Variants in DERA observed in about 807,000 individuals in gnomAD.
DERA encodes 2-deoxy-D-ribose 5-phosphate aldolase.
A neutral mutation model predicts 41.1 loss-of-function variants in DERA; 15 were observed. The observed-to-expected ratio is 0.37, with a 90% CI of 0.24 to 0.56. DERA has a LOEUF of 0.56. Ranked by LOEUF, DERA falls within the 20% of genes least tolerant of loss-of-function variation. The probability of loss-of-function intolerance (pLI) is 0.81; values close to 1 mark genes in which losing one functional copy is unlikely to be tolerated. For synonymous variants in DERA, 139 were observed against 137.4 expected (o/e 1.01, Z -0.08); for missense variants, 396 against 403.4 (o/e 0.98, Z 0.16).
In DERA at chr12:16,036,219, C is replaced by T; in HGVS notation, c.751-13C>T. 1.9e-6 allele frequency: 3 copies of T among 1,587,692 alleles called. No individual in the cohort carries two copies. The highest frequency in any genetic ancestry group is 2.6e-6 in the Non-Finnish European group (3 of 1,168,930). On this transcript the variant is annotated splice_polypyrimidine_tract_variant and intron_variant, in intron 7 of 8. Transcript: ENST00000428559. This position sits in a 1 kb window ranked among gnomAD's most constrained non-coding sequence, Gnocchi z 4.9. ...ACAATAAAGATTGTTCTATTCTCTG[C>T]CTTCCCATTTAGATAGGGTTTAAAC...
chr12:15,924,458 G>A lies in DERA; in HGVS notation c.31+13044G>A, dbSNP rs1221364251. ...GAACTCAGTAAATATATTTTTCACT[G>A]TAGAGATTACAAATACAATATTCTA... On this transcript the variant is annotated intron_variant, in intron 1 of 8. Coordinates refer to ENST00000428559, the MANE Select transcript of DERA (RefSeq NM_015954.4). The surrounding 1 kb of genome is among the most constrained non-coding windows in gnomAD (Gnocchi z 5.0). Among the ~76,000 whole-genome samples the A allele has an allele frequency of 6.6e-6, 1 of 152,156 alleles. No individual in the cohort carries two copies. The highest frequency in any genetic ancestry group is 1.5e-5 in the Non-Finnish European group (1 of 68,030).
Position 15,996,647 on chromosome 12 carries a change from A to G in DERA, c.637+14211A>G, listed in dbSNP as rs1349773904. 6.6e-6 allele frequency among the ~76,000 whole-genome samples: 1 copy of G among 152,126 alleles called. No individual in the cohort carries two copies. The highest frequency in any genetic ancestry group is 1.5e-5 in the Non-Finnish European group (1 of 68,000). ...TCTTTCCAAATAAGGTCTCTTCCTG[A>G]GGTATTGAGGGGTGAGATTTTGACA... On this transcript the variant is annotated intron_variant, in intron 6 of 8. Transcript: ENST00000428559. The surrounding 1 kb of genome is among the most constrained non-coding windows in gnomAD (Gnocchi z 4.7).
chr12:15,923,293 A>G (rs1267378198), intron 1 of DERA, among the ~76,000 whole-genome samples: 3 of 151,992 alleles, frequency 2.0e-5, no homozygotes, highest in Non-Finnish European at 4.4e-5. Flanking sequence ...AAGTGCTGGG[A>G]TTACAGGCGT....
intron 6 of DERA, among the ~76,000 whole-genome samples, chr12:16,030,165 C>A (rs1263064287): frequency 6.6e-6 from 1 of 151,050 alleles, no homozygotes; most frequent in East Asian, 2.0e-4. Flanking sequence ...AACTTCTGAC[C>A]TTGTGATCTG....
Position 15,992,472 on chromosome 12 carries a change from C to T in DERA, c.637+10036C>T, listed in dbSNP as rs1948808744. Reference sequence around the variant, plus strand: ...AGATGGATCTGGAGGCAAGGAAGAACCAGGGAGAACTTTTTGCTTTGGTTT... The same window carrying T: ...AGATGGATCTGGAGGCAAGGAAGAATCAGGGAGAACTTTTTGCTTTGGTTT... On this transcript the variant is annotated intron_variant, in intron 6 of 8. Coordinates refer to ENST00000428559, the MANE Select transcript of DERA (RefSeq NM_015954.4). This position sits in a 1 kb window ranked among gnomAD's most constrained non-coding sequence, Gnocchi z 4.3. 6.6e-6 allele frequency among the ~76,000 whole-genome samples: 1 copy of T among 151,910 alleles called. No homozygotes were observed. Among genetic ancestry groups the T allele is most frequent in the South Asian group, 2.1e-4 (1 of 4,818 alleles).
intron 5 of DERA, among the ~76,000 whole-genome samples, chr12:15,973,309 A>T (rs979693691): frequency 2.6e-5 from 4 of 151,082 alleles, no homozygotes; most frequent in African/African-American, 9.7e-5. Flanking sequence ...TAGGTTTTTA[A>T]TGTGACATCA....
intron 1 of DERA, among the ~76,000 whole-genome samples, chr12:15,955,842 A>G (rs910429719): frequency 3.3e-5 from 5 of 152,250 alleles, no homozygotes; most frequent in Non-Finnish European, 5.9e-5. Context: ...TCATTGCATT[A>G]TAAAGAGTTT....
intron 6 of DERA, among the ~76,000 whole-genome samples, chr12:16,027,604 C>T (rs1357901169): frequency 6.6e-6 from 1 of 152,062 alleles, no homozygotes; most frequent in African/African-American, 2.4e-5. Flanking sequence ...TGCTGAAAGC[C>T]ATTAGAAGAG....
At chr12:15,923,249 C>G (rs1230155560) in intron 1 of DERA, among the ~76,000 whole-genome samples, 1 of 151,748 alleles carries the variant, frequency 6.6e-6, no homozygotes, top group Non-Finnish European at 1.5e-5. Context: ...GTCTCGATCT[C>G]CTGACCTCGT....
chr12:16,025,241 C>A (rs769093855), intron 6 of DERA, among the ~76,000 whole-genome samples: 68 of 152,002 alleles, frequency 4.5e-4, no homozygotes, highest in Non-Finnish European at 1.0e-4. Flanking sequence ...TGTTAGTAGT[C>A]TAAATATGCC....
rs1004000355 is a variant in DERA at position 15,972,675 on chromosome 12, G to T, written c.509-9633G>T. The T allele has an allele frequency of 1.8e-5, 3 of 165,056 alleles. No individual in the cohort carries two copies. Among genetic ancestry groups the T allele is most frequent in the East Asian group, 1.6e-4 (1 of 6,334 alleles). 10.2% of individuals were successfully genotyped at this position (165,056 alleles called of 1,614,324 possible). On this transcript the variant is annotated intron_variant, in intron 5 of 8. Coordinates refer to ENST00000428559, the MANE Select transcript of DERA (RefSeq NM_015954.4). The surrounding 1 kb of genome is among the most constrained non-coding windows in gnomAD (Gnocchi z 4.4). ...CCAGAGAGGGAACGATGTATGTGAT[G>T]TGAAGCCAAGGTGTGGGGAGTGTGG...
In DERA at chr12:16,011,602, A is replaced by C. The variant is rs1256392306; in HGVS notation, c.638-20940A>C. Reference sequence around the variant, plus strand: ...TAAAAGAAAAGAGAATGTGTTAGATACGATTTTGTCATTTTAACATGAGAT... The same window carrying C: ...TAAAAGAAAAGAGAATGTGTTAGATCCGATTTTGTCATTTTAACATGAGAT... On this transcript the variant is annotated intron_variant, in intron 6 of 8. Coordinates refer to ENST00000428559, the MANE Select transcript of DERA (RefSeq NM_015954.4). This position sits in a 1 kb window ranked among gnomAD's most constrained non-coding sequence, Gnocchi z 4.7. Among the ~76,000 whole-genome samples the C allele has an allele frequency of 6.6e-6, 1 of 152,206 alleles. No individual in the cohort carries two copies.
At chr12:16,029,153 G>A (rs561956377) in intron 6 of DERA, among the ~76,000 whole-genome samples, 1 of 152,272 alleles carries the variant, frequency 6.6e-6, no homozygotes, top group African/African-American at 2.4e-5. Context: ...TAAACAAACT[G>A]GCCGGGCGCG....
At chr12:15,946,853 G>A (rs1412213993) in intron 1 of DERA, among the ~76,000 whole-genome samples, 1 of 152,106 alleles carries the variant, frequency 6.6e-6, no homozygotes, top group Admixed American at 6.6e-5. Flanking sequence ...GCTTTTTCCT[G>A]TGGGCATTTA....
chr12:15,927,378 A>G (rs1412402160), intron 1 of DERA, among the ~76,000 whole-genome samples: 2 of 152,226 alleles, frequency 1.3e-5, no homozygotes, highest in Admixed American at 6.5e-5. Flanking sequence ...ATAATCAGAG[A>G]CAAGTGTTCA....
chr12:16,033,833 C>A (rs185304348), intron 7 of DERA, among the ~76,000 whole-genome samples: 1 of 151,962 alleles, frequency 6.6e-6, no homozygotes, highest in African/African-American at 2.4e-5. Flanking sequence ...AGAATTTTCT[C>A]ACTTAAAATA....
rs1165076592 is a variant in DERA, at chr12:16,000,840, A to G, written c.637+18404A>G. Among the ~76,000 whole-genome samples, 1 of 150,696 alleles carries G rather than the reference A, an allele frequency of 6.6e-6. No individual in the cohort carries two copies. Among genetic ancestry groups the G allele is most frequent in the Non-Finnish European group, 1.5e-5 (1 of 67,570 alleles). ...TGTAATGATACCTATAGTTGCATCCATCAGATGTTGAGTTTTTTTTTACTA... is the reference window on the plus strand; with the variant it reads ...TGTAATGATACCTATAGTTGCATCCGTCAGATGTTGAGTTTTTTTTTACTA... On this transcript the variant is annotated intron_variant, in intron 6 of 8. Transcript: ENST00000428559. This position sits in a 1 kb window ranked among gnomAD's most constrained non-coding sequence, Gnocchi z 4.8.
At position 15,957,062 on chromosome 12, in the gene DERA, C is replaced by CTGTATTT; in HGVS notation, c.129+31_129+37dup. ...AGGGTTCTTCTTGAGCATTCTGTGCCTGTATTTTACAATGCATGGTCTCTT... is the reference window on the plus strand; with the variant it reads ...AGGGTTCTTCTTGAGCATTCTGTGCCTGTATTTTGTATTTTACAATGCATGGTCTCTT... On this transcript the variant is annotated intron_variant, in intron 2 of 8. Coordinates refer to ENST00000428559, the MANE Select transcript of DERA (RefSeq NM_015954.4). The surrounding 1 kb of genome is among the most constrained non-coding windows in gnomAD (Gnocchi z 4.8). 1 of 1,553,804 alleles carries CTGTATTT rather than the reference C, an allele frequency of 6.4e-7. No individual in the cohort carries two copies. The highest frequency in any genetic ancestry group is 8.9e-7 in the Non-Finnish European group (1 of 1,125,906).
intron 1 of DERA, among the ~76,000 whole-genome samples, chr12:15,945,289 G>A (rs1948438703): frequency 6.6e-6 from 1 of 152,132 alleles, no homozygotes. Flanking sequence ...AGCTTGATGG[G>A]GATGGCATTG....
Sources: gnomAD v4.1 joint callset for allele counts (sites outside exome capture counted in the v4.1 genomes callset) on GRCh38, gnomAD v4.1.1 for gene constraint, Gnocchi (gnomAD v3.1) non-coding constraint, MANE v1.5 for transcripts, NCBI Gene and HGNC (gene_info 2026-07-23, HGNC 2026-07-21) for gene names.